Variants in NRG3 observed in about 807,000 individuals in gnomAD.
The protein encoded by NRG3 is neuregulin 3, also known as pro-neuregulin-3, membrane-bound isoform.
A neutral mutation model predicts 66.9 loss-of-function variants in NRG3; 31 were observed. The ratio of observed to expected loss-of-function variants is 0.46; its 90% CI spans 0.35 to 0.63. The LOEUF is 0.63. NRG3 is among the 20% of genes least tolerant of loss of function. The pLI is 0.00. For missense variants in NRG3, 910 were observed against 878.9 expected, an observed-to-expected ratio of 1.04 and a Z score of -0.45; for synonymous variants, 393 against 359.4, an observed-to-expected ratio of 1.09 and a Z score of -1.06.
chr10:82,119,720 G>C (rs1363676235), intron 1 of NRG3, among the ~76,000 whole-genome samples: 2 of 152,084 alleles, frequency 1.3e-5, no homozygotes, highest in Non-Finnish European at 2.9e-5. Flanking sequence ...TATACAGGGA[G>C]GCTTCTTTAT....
At chr10:82,001,619 C>T (rs562710293) in intron 1 of NRG3, among the ~76,000 whole-genome samples, 58 of 152,210 alleles carry the variant, frequency 3.8e-4, no homozygotes, top group African/African-American at 6.7e-4. Context: ...TACCTTACTA[C>T]GCAAGTGCCC....
chr10:82,531,372 G>A (rs1180940598), intron 2 of NRG3, among the ~76,000 whole-genome samples: 3 of 151,414 alleles, frequency 2.0e-5, no homozygotes, highest in African/African-American at 7.3e-5. Flanking sequence ...GTTCGATGAT[G>A]TTATTTTTTA....
intron 1 of NRG3, among the ~76,000 whole-genome samples, chr10:82,066,929 T>C (rs776206783): frequency 9.2e-5 from 14 of 152,298 alleles, no homozygotes; most frequent in Non-Finnish European, 5.9e-5. Flanking sequence ...ACAATTTTCA[T>C]ATTAGTGTGA....
chr10:82,898,190 C>T (rs1843845867), intron 4 of NRG3, among the ~76,000 whole-genome samples: 1 of 152,202 alleles, frequency 6.6e-6, no homozygotes, highest in South Asian at 2.1e-4. Context: ...AGTCTGTCCA[C>T]ACTGGGGCTG....
intron 2 of NRG3, among the ~76,000 whole-genome samples, chr10:82,361,291 A>G (rs1034994532): frequency 6.6e-6 from 1 of 152,226 alleles, no homozygotes; most frequent in African/African-American, 2.4e-5. Flanking sequence ...GTTATTTAAC[A>G]TAGACTCACA....
At chr10:82,020,532 A>T (rs1382570237) in intron 1 of NRG3, among the ~76,000 whole-genome samples, 1 of 152,144 alleles carries the variant, frequency 6.6e-6, no homozygotes, top group African/African-American at 2.4e-5. Context: ...GGTATACACG[A>T]TCTCAATAAA....
intron 1 of NRG3, among the ~76,000 whole-genome samples, chr10:82,190,278 T>G (rs988706432): frequency 1.3e-5 from 2 of 152,130 alleles, no homozygotes; most frequent in African/African-American, 4.8e-5. Context: ...ATTAAAAAAT[T>G]TATTACTTTC....
At chr10:82,256,979 G>C (rs2077762424) in intron 1 of NRG3, among the ~76,000 whole-genome samples, 1 of 152,174 alleles carries the variant, frequency 6.6e-6, no homozygotes, top group Admixed American at 6.5e-5. Flanking sequence ...ATTTTTCTCA[G>C]TTGACAATGT....
chr10:82,908,911 C>T (rs532461405), intron 4 of NRG3, among the ~76,000 whole-genome samples: 12 of 147,630 alleles, frequency 8.1e-5, no homozygotes, highest in South Asian at 6.4e-4. Flanking sequence ...GTAGACACCA[C>T]GCCCTCAGCG....
chr10:82,565,905 G>T (rs772785169), intron 2 of NRG3, among the ~76,000 whole-genome samples: 1 of 152,026 alleles, frequency 6.6e-6, no homozygotes, highest in Non-Finnish European at 1.5e-5. Flanking sequence ...ATGAGAAGTC[G>T]CATGATACAG....
At chr10:82,387,457 C>T (rs945987819) in intron 2 of NRG3, among the ~76,000 whole-genome samples, 1 of 152,190 alleles carries the variant, frequency 6.6e-6, no homozygotes, top group Non-Finnish European at 1.5e-5. Flanking sequence ...CCCTGTCTTC[C>T]AGCTGTGGGC....
At chr10:82,037,248 G>T (rs1207103164) in intron 1 of NRG3, among the ~76,000 whole-genome samples, 1 of 152,154 alleles carries the variant, frequency 6.6e-6, no homozygotes, top group African/African-American at 2.4e-5. Context: ...CTGCCAGACA[G>T]CCCCCTGGCA....
At chr10:81,941,427 C>A (rs1296153730) in intron 1 of NRG3, among the ~76,000 whole-genome samples, 1 of 152,016 alleles carries the variant, frequency 6.6e-6, no homozygotes, top group African/African-American at 2.4e-5. Flanking sequence ...TGATTCTAGG[C>A]AATTTATACT....
intron 1 of NRG3, among the ~76,000 whole-genome samples, chr10:82,165,015 TG>T (rs2071929005): frequency 6.6e-6 from 1 of 152,166 alleles, no homozygotes; most frequent in Admixed American, 6.5e-5. Flanking sequence ...TATTAAAACA[TG>T]GTATGTGCAT....
At chr10:82,796,469 A>G (rs1158045434) in intron 3 of NRG3, among the ~76,000 whole-genome samples, 3 of 152,130 alleles carry the variant, frequency 2.0e-5, no homozygotes, top group African/African-American at 7.2e-5. Context: ...AAAACTAATC[A>G]AATGGAATGT....
intron 1 of NRG3, among the ~76,000 whole-genome samples, chr10:82,302,785 A>G (rs1424466306): frequency 6.6e-6 from 1 of 152,198 alleles, no homozygotes; most frequent in African/African-American, 2.4e-5. Flanking sequence ...CGTTTGCCCC[A>G]ATGTGTCTAA....
intron 3 of NRG3, among the ~76,000 whole-genome samples, chr10:82,746,306 C>G (rs1018747770): frequency 6.6e-6 from 1 of 152,206 alleles, no homozygotes; most frequent in African/African-American, 2.4e-5. Context: ...AGCTTGCTAA[C>G]TACAGCTTCC....
intron 2 of NRG3, among the ~76,000 whole-genome samples, chr10:82,555,921 A>G (rs751512851): frequency 1.3e-5 from 2 of 152,092 alleles, no homozygotes; most frequent in Non-Finnish European, 2.9e-5. Context: ...ATATTTCTCT[A>G]AGAAGTCATT....
Position 82,788,310 on chromosome 10 carries a change from C to T in NRG3, c.1027+49660C>T, listed in dbSNP as rs183417350. 2.4e-4 allele frequency among the ~76,000 whole-genome samples: 37 copies of T among 152,288 alleles called. No homozygotes were observed. In the East Asian group the frequency reaches 7.1e-3, roughly 29 times the overall value. Reference sequence around the variant, plus strand: ...AAACTACCGGAGCTGTGGCTCATGCCTGTAATCCCAGCATTTTGGGAGGCC... The same window carrying T: ...AAACTACCGGAGCTGTGGCTCATGCTTGTAATCCCAGCATTTTGGGAGGCC... On this transcript the variant is annotated intron_variant, in intron 3 of 8. Transcript: ENST00000372141.
Sources: gnomAD v4.1 joint callset for allele counts (sites outside exome capture counted in the v4.1 genomes callset) on GRCh38, gnomAD v4.1.1 for gene constraint, MANE v1.5 for transcripts, NCBI Gene and HGNC (gene_info 2026-07-23, HGNC 2026-07-21) for gene names.